The following TSPAN14 variants were observed in gnomAD, a reference collection of about 807,000 sequenced individuals.
The protein encoded by TSPAN14 is tetraspanin 14.
Under a neutral mutation model 36.6 loss-of-function variants are expected in TSPAN14, and 16 were observed. The ratio of observed to expected loss-of-function variants is 0.44; its 90% CI spans 0.30 to 0.66. The LOEUF (loss-of-function observed/expected upper bound fraction) is 0.66, where lower values mean the gene tolerates loss of function less well. TSPAN14 is among the 30% of genes least tolerant of loss of function. The pLI is 0.12. For missense variants in TSPAN14, 231 were observed against 355.1 expected (o/e 0.65, Z 2.81); for synonymous variants, 139 against 143.8 (o/e 0.97, Z 0.24).
intron 7 of TSPAN14, among the ~76,000 whole-genome samples, chr10:80,514,666 G>C (rs890888994): frequency 6.6e-6 from 1 of 152,288 alleles, no homozygotes; most frequent in East Asian, 1.9e-4. Context: ...CCTGTTAGCC[G>C]TGGATATGAG....
In TSPAN14 at chr10:80,522,171, T is replaced by C. The variant is rs567754391; in HGVS notation, c.*4195T>C. 2.6e-5 allele frequency: 4 copies of C among 152,364 alleles called. No homozygotes were observed. In the South Asian group the frequency reaches 8.3e-4, roughly 32 times the overall value. 9.4% of individuals were successfully genotyped at this position (152,364 alleles called of 1,614,324 possible). A position where few individuals can be genotyped will look rare whatever the true frequency, so the allele number is the denominator to read the frequency against. ...TCTTCACTTAGTTTTCTTTCTGTGC[T>C]CTGCATCTTATATTCCAGCAGGGTC... On this transcript the variant is annotated 3_prime_UTR_variant, in exon 9 of 9. Transcript: ENST00000429989.
At chr10:80,482,375 T>C (rs567167327) in intron 1 of TSPAN14, among the ~76,000 whole-genome samples, 1,948 of 148,906 alleles carry the variant, frequency 0.013, 57 homozygotes, top group African/African-American at 0.047. Flanking sequence ...CAACCTCTGC[T>C]TCCCAGGTTC....
At chr10:80,487,174 C>G (rs1564727231) in intron 1 of TSPAN14, among the ~76,000 whole-genome samples, 1 of 152,160 alleles carries the variant, frequency 6.6e-6, no homozygotes, top group East Asian at 1.9e-4. Context: ...ACACGGAGCC[C>G]CTCTCTGCGA....
At chr10:80,462,453 A>G (rs1257728570) in intron 1 of TSPAN14, among the ~76,000 whole-genome samples, 1 of 152,076 alleles carries the variant, frequency 6.6e-6, no homozygotes, top group African/African-American at 2.4e-5. Flanking sequence ...TCTCTCACTC[A>G]AATGGTCTGG....
chr10:80,462,361 G>A (rs1217579158), intron 1 of TSPAN14, among the ~76,000 whole-genome samples: 1 of 139,892 alleles, frequency 7.1e-6, no homozygotes, highest in Non-Finnish European at 1.6e-5. Flanking sequence ...GGGTGGGATG[G>A]GATGGGATGG....
chr10:80,500,290 A>G (rs549407214), intron 2 of TSPAN14, among the ~76,000 whole-genome samples: 21 of 148,616 alleles, frequency 1.4e-4, no homozygotes, highest in Middle Eastern at 3.5e-3. Flanking sequence ...TTAAAACAGA[A>G]TGAAAACAAC....
At chr10:80,477,402 G>A (rs531993611) in intron 1 of TSPAN14, among the ~76,000 whole-genome samples, 1 of 152,330 alleles carries the variant, frequency 6.6e-6, no homozygotes, top group South Asian at 2.1e-4. Flanking sequence ...AGTGGTTTGA[G>A]TAGACACATG....
intron 1 of TSPAN14, among the ~76,000 whole-genome samples, chr10:80,475,231 G>A (rs904779562): frequency 2.0e-5 from 3 of 152,180 alleles, no homozygotes; most frequent in African/African-American, 4.8e-5. Flanking sequence ...GTTTGATAGA[G>A]CTAATCTGGC....
chr10:80,511,717 T>C (rs1254132050), intron 5 of TSPAN14, among the ~76,000 whole-genome samples: 3 of 22,510 alleles, frequency 1.3e-4, no homozygotes, highest in Non-Finnish European at 1.6e-4. Flanking sequence ...AGGTCCTCTC[T>C]CTCTCTCTCT....
chr10:80,474,436 C>A (rs967170534), intron 1 of TSPAN14, among the ~76,000 whole-genome samples: 3 of 151,204 alleles, frequency 2.0e-5, no homozygotes, highest in African/African-American at 7.3e-5. Context: ...TCATGAGGAA[C>A]TGACCTGTGC....
intron 1 of TSPAN14, chr10:80,485,567 G>T (rs767533889): frequency 4.3e-6 from 4 of 922,598 alleles, no homozygotes; most frequent in Non-Finnish European, 5.2e-6. Flanking sequence ...TGTGGCTTAG[G>T]CTGGAGTCCT....
At chr10:80,519,277 G>A (rs141734111) in exon 9 of TSPAN14, 24 of 152,846 alleles carry the variant, frequency 1.6e-4, no homozygotes, top group Admixed American at 1.2e-3. Flanking sequence ...ATGGGATATC[G>A]GTGATCACTG....
In TSPAN14 at chr10:80,512,069, A is replaced by G. The variant is rs796159659; in HGVS notation, c.451-75A>G. 7.5e-6 allele frequency: 12 copies of G among 1,595,450 alleles called. No individual in the cohort carries two copies. The Admixed American group carries it at 8.5e-5, about 11-fold the overall frequency. On this transcript the variant is annotated intron_variant, in intron 5 of 8. Coordinates refer to ENST00000429989, the Ensembl canonical transcript of TSPAN14. ...CCGGCAGACTTAGCCTGGCATCACT[A>G]TGAATGATGCCCTATGCTGGGCAGC...
At chr10:80,521,911 G>GAAAAAA (rs998499950) in exon 9 of TSPAN14, 2 of 90,670 alleles carry the variant, frequency 2.2e-5, no homozygotes, top group Non-Finnish European at 2.3e-5. Context: ...GCTCAAAAAA[G>GAAAAAA]AAAAAAAAAA....
chr10:80,508,977 CCTT>C (rs1175862455), intron 4 of TSPAN14, among the ~76,000 whole-genome samples: 3 of 152,140 alleles, frequency 2.0e-5, no homozygotes, highest in Non-Finnish European at 4.4e-5. Flanking sequence ...GGGGTCTCCT[CCTT>C]GTCCAGGGAG....
chr10:80,496,800 C>T (rs1000317445), intron 2 of TSPAN14, among the ~76,000 whole-genome samples: 5 of 150,712 alleles, frequency 3.3e-5, no homozygotes, highest in South Asian at 4.1e-4. Flanking sequence ...TATTTCTAGT[C>T]GTTACATTTA....
intron 1 of TSPAN14, chr10:80,485,549 T>G (rs1044003614): frequency 9.1e-6 from 7 of 772,182 alleles, no homozygotes; most frequent in Non-Finnish European, 1.1e-5. Context: ...TTACACTGTG[T>G]AGGAGGATGT....
chr10:80,516,294 G>C, exon 8 of TSPAN14: 2 of 1,614,252 alleles, frequency 1.2e-6, no homozygotes, highest in Non-Finnish European at 1.7e-6. Context: ...CATTGTGGCT[G>C]GCGTCTTCAT....
At chr10:80,511,403 A>G (rs1408108408) in intron 5 of TSPAN14, among the ~76,000 whole-genome samples, 1 of 152,174 alleles carries the variant, frequency 6.6e-6, no homozygotes, top group African/African-American at 2.4e-5. Flanking sequence ...AACACTGCAC[A>G]CTAGGAAGTG....
Sources: allele counts gnomAD v4.1 joint callset (sites outside exome capture counted in the v4.1 genomes callset), GRCh38; gene constraint gnomAD v4.1.1; transcripts MANE v1.5; gene names NCBI Gene and HGNC (gene_info 2026-07-23, HGNC 2026-07-21).